ZBTB16: variants seen among roughly 807,000 people sequenced by gnomAD.
The protein encoded by ZBTB16 is zinc finger and BTB domain containing 16.
Under a neutral mutation model 56.8 loss-of-function variants are expected in ZBTB16, and 8 were observed. That is an observed-to-expected ratio of 0.14 (90% CI 0.08 to 0.25). The LOEUF (loss-of-function observed/expected upper bound fraction) is 0.25. Ranked by LOEUF, ZBTB16 falls within the 10% of genes least tolerant of loss-of-function variation. The probability of loss-of-function intolerance (pLI) is 1.00; values close to 1 mark genes in which losing one functional copy is unlikely to be tolerated. For missense variants in ZBTB16, 625 were observed against 903.0 expected (o/e 0.69, Z 3.95); for synonymous variants, 363 against 368.5 (o/e 0.98, Z 0.17).
chr11:114,203,830 C>T (rs1023721937), intron 4 of ZBTB16, among the ~76,000 whole-genome samples: 1 of 152,088 alleles, frequency 6.6e-6, no homozygotes, highest in African/African-American at 2.4e-5. Context: ...AGGGGTGGCT[C>T]TGGGATGCCT....
At chr11:114,155,696 CAG>C (rs1438538099) in intron 2 of ZBTB16, among the ~76,000 whole-genome samples, 1 of 152,208 alleles carries the variant, frequency 6.6e-6, no homozygotes, top group East Asian at 1.9e-4. Context: ...TGGGGCAAGA[CAG>C]AGGGAAGACA....
rs185124518 is a variant in ZBTB16 at position 114,200,287 on chromosome 11, T to C, written c.1453+13249T>C. 1.8e-3 allele frequency among the ~76,000 whole-genome samples: 272 copies of C among 152,326 alleles called. 1 individual carries two copies. Among genetic ancestry groups the C allele is most frequent in the Non-Finnish European group, 2.3e-3 (154 of 68,032 alleles). On this transcript the variant is annotated intron_variant, in intron 4 of 6. Transcript: ENST00000335953. Reference sequence around the variant, plus strand: ...CACCAGTAGACAAGAATTCCTCCACTTTATTTAGTAGCTTATTCAGTAACA... The same window carrying C: ...CACCAGTAGACAAGAATTCCTCCACCTTATTTAGTAGCTTATTCAGTAACA...
intron 3 of ZBTB16, among the ~76,000 whole-genome samples, chr11:114,178,510 G>T (rs1487577988): frequency 6.6e-6 from 1 of 152,126 alleles, no homozygotes; most frequent in Admixed American, 6.5e-5. Flanking sequence ...CTACCTTACT[G>T]TGCAGCTTAA....
At chr11:114,199,293 G>A (rs567440020) in intron 4 of ZBTB16, among the ~76,000 whole-genome samples, 1 of 151,360 alleles carries the variant, frequency 6.6e-6, no homozygotes, top group African/African-American at 2.4e-5. Context: ...CGGGGATGCC[G>A]GACATGGATG....
At chr11:114,092,404 G>T (rs1367260946) in intron 2 of ZBTB16, among the ~76,000 whole-genome samples, 1 of 152,156 alleles carries the variant, frequency 6.6e-6, no homozygotes, top group Non-Finnish European at 1.5e-5. Context: ...TTGGGGCGGG[G>T]GCACACTGCC....
intron 4 of ZBTB16, among the ~76,000 whole-genome samples, chr11:114,196,902 G>T (rs749295237): frequency 7.9e-5 from 12 of 152,188 alleles, no homozygotes; most frequent in South Asian, 4.2e-4. Context: ...TCCCAGAAAG[G>T]TTAAGGAAGA....
intron 2 of ZBTB16, among the ~76,000 whole-genome samples, chr11:114,088,287 A>G (rs1055736383): frequency 2.0e-5 from 3 of 151,916 alleles, no homozygotes; most frequent in African/African-American, 7.3e-5. Context: ...GATTACAGAC[A>G]TGCGCTACCA....
intron 2 of ZBTB16, among the ~76,000 whole-genome samples, chr11:114,078,264 G>A (rs1025885387): frequency 6.6e-6 from 1 of 152,180 alleles, no homozygotes; most frequent in African/African-American, 2.4e-5. Flanking sequence ...GATGGGAAAG[G>A]GTGGAGGTTA....
chr11:114,129,847 A>G (rs904802470), intron 2 of ZBTB16, among the ~76,000 whole-genome samples: 2 of 152,192 alleles, frequency 1.3e-5, no homozygotes, highest in Admixed American at 6.5e-5. Context: ...AGCACAGAAT[A>G]TGGGCTTCTC....
chr11:114,210,168 T>TGA (rs1469675252), intron 4 of ZBTB16, among the ~76,000 whole-genome samples: 1 of 133,038 alleles, frequency 7.5e-6, no homozygotes, highest in Non-Finnish European at 1.6e-5. Context: ...AGCTAGTGTG[T>TGA]GTGTGTGTGT....
chr11:114,199,352 C>A (rs11819888), intron 4 of ZBTB16, among the ~76,000 whole-genome samples: 2 of 147,082 alleles, frequency 1.4e-5, no homozygotes, highest in South Asian at 2.2e-4. Context: ...CGCTGGGCCC[C>A]GGGACGGGGC....
chr11:114,100,962 C>G (rs1940584818), intron 2 of ZBTB16, among the ~76,000 whole-genome samples: 1 of 151,804 alleles, frequency 6.6e-6, no homozygotes, highest in South Asian at 2.1e-4. Flanking sequence ...TCTCGGGGGT[C>G]CCCGGGGGGT....
rs528793062 is a variant in ZBTB16, at chr11:114,094,545, G to A, written c.1268+29977G>A. On this transcript the variant is annotated intron_variant, in intron 2 of 6. Coordinates refer to ENST00000335953, the MANE Select transcript of ZBTB16 (RefSeq NM_006006.6). ...CTAGGGGATGGTGGCAAACTTGGGT[G>A]TGCAGGCAGTAGGAAGGAGGAGGTA... 6.6e-5 allele frequency among the ~76,000 whole-genome samples: 10 copies of A among 152,328 alleles called. No homozygotes were observed. In the East Asian group the frequency reaches 1.9e-3, roughly 29 times the overall value.
At chr11:114,068,244 G>C (rs897689) in intron 2 of ZBTB16, among the ~76,000 whole-genome samples, 87,054 of 151,956 alleles carry the variant, frequency 0.57, 27,957 homozygotes, top group Middle Eastern at 0.74. Flanking sequence ...TTCTTGGGGT[G>C]GGGGGGCAGA....
chr11:114,242,465 T>A (rs1944729186), intron 5 of ZBTB16, 128 bp downstream of exon 5: 2 of 1,329,396 alleles, frequency 1.5e-6, no homozygotes, highest in Non-Finnish European at 2.1e-6. Flanking sequence ...GGCTTGGACG[T>A]GCAGAGGCTG....
At chr11:114,072,965 T>C (rs898295689) in intron 2 of ZBTB16, among the ~76,000 whole-genome samples, 21 of 143,184 alleles carry the variant, frequency 1.5e-4, no homozygotes, top group African/African-American at 4.7e-4. Context: ...GGCAGGAGAA[T>C]GGCGTGAACC....
intron 3 of ZBTB16, among the ~76,000 whole-genome samples, chr11:114,167,786 A>G (rs777376315): frequency 6.6e-6 from 1 of 152,164 alleles, no homozygotes; most frequent in Admixed American, 6.5e-5. Flanking sequence ...TATTGGTTCT[A>G]TCTGGTTATC....
rs1565708515 is a variant in ZBTB16 at position 114,247,382 on chromosome 11, A to G, written c.1792+17A>G. 4 of 1,613,968 alleles carry G rather than the reference A, an allele frequency of 2.5e-6. No individual in the cohort carries two copies. The African/African-American group carries it at 5.3e-5, about 22-fold the overall frequency. Reference sequence around the variant, plus strand: ...TGCACACAGGTACCGAAGGCCAGGGAGGGGCCTGAGCTGGCTCTGGGACCT... The same window carrying G: ...TGCACACAGGTACCGAAGGCCAGGGGGGGGCCTGAGCTGGCTCTGGGACCT... On this transcript the variant is annotated intron_variant, in intron 6 of 6. Transcript: ENST00000335953.
intron 1 of ZBTB16, among the ~76,000 whole-genome samples, chr11:114,061,058 CCTT>C (rs1938832339): frequency 1.3e-5 from 2 of 152,168 alleles, no homozygotes; most frequent in Admixed American, 6.5e-5. Flanking sequence ...GCTCAGCTCT[CCTT>C]CTTTCAGGAG....
Sources: allele counts gnomAD v4.1 joint callset (sites outside exome capture counted in the v4.1 genomes callset), GRCh38; gene constraint gnomAD v4.1.1; transcripts MANE v1.5; gene names NCBI Gene and HGNC (gene_info 2026-07-23, HGNC 2026-07-21).